Variants in OCM observed in about 807,000 individuals in gnomAD.
OCM encodes oncomodulin, also known as oncomodulin-1.
OCM carries 18 observed loss-of-function variants against 14.1 expected under a neutral mutation model. That is an observed-to-expected ratio of 1.28 (90% confidence interval 0.88 to 1.89). The LOEUF (loss-of-function observed/expected upper bound fraction) is 1.89, where lower values mean the gene tolerates loss of function less well. OCM is among the 40% of genes most tolerant of loss of function. OCM has a pLI of 0.00. For synonymous variants in OCM, 48 were observed against 51.0 expected (o/e 0.94, Z 0.25); for missense variants, 140 against 137.6 (o/e 1.02, Z -0.09).
chr7:5,878,498 G>A (rs1029184950), upstream of OCM, among the ~76,000 whole-genome samples: 2 of 151,702 alleles, frequency 1.3e-5, no homozygotes, highest in Non-Finnish European at 2.9e-5. Flanking sequence ...TGTAATCCCA[G>A]CACTTTGGGA....
At position 5,886,277 on chromosome 7, in the gene OCM, T is replaced by C. The variant is rs912761432; in HGVS notation, c.*188T>C. 1.3e-5 allele frequency: 9 copies of C among 716,212 alleles called. No individual in the cohort carries two copies. The highest frequency in any genetic ancestry group is 1.8e-5 in the Non-Finnish European group (8 of 436,576). The allele number at this position is 716,212 out of a possible 1,614,324, so 44.4% of individuals were successfully genotyped here. A position where few individuals can be genotyped will look rare whatever the true frequency, so the allele number is the denominator to read the frequency against. Reference sequence around the variant, plus strand: ...CACTCCTGACTTTCTTGGTGGTGGGTATATGCCCTGACAACTTCTGTAAGC... The same window carrying C: ...CACTCCTGACTTTCTTGGTGGTGGGCATATGCCCTGACAACTTCTGTAAGC... On this transcript the variant is annotated 3_prime_UTR_variant, in exon 4 of 4. Transcript: ENST00000242104.
the OCM span, among the ~76,000 whole-genome samples, chr7:5,872,601 T>G: frequency 6.6e-6 from 1 of 152,112 alleles, no homozygotes; most frequent in Non-Finnish European, 1.5e-5. Flanking sequence ...TGACAAGGAA[T>G]GTGCCAATGA....
chr7:5,868,743 C>T, the OCM span, among the ~76,000 whole-genome samples: 30 of 152,200 alleles, frequency 2.0e-4, no homozygotes, highest in African/African-American at 6.5e-4. Context: ...CTCTGGGCTA[C>T]CCAGAAAGTC....
chr7:5,871,874 C>G, the OCM span: 1 of 152,178 alleles, frequency 6.6e-6, no homozygotes, highest in African/African-American at 2.4e-5. Context: ...CTGGTTCACC[C>G]TCCTTAGGCA....
At chr7:5,874,160 G>C in the OCM span, among the ~76,000 whole-genome samples, 1 of 144,620 alleles carries the variant, frequency 6.9e-6, no homozygotes, top group African/African-American at 2.6e-5. Context: ...GGAGGTGGAG[G>C]TTGCAGTGAG....
At chr7:5,867,163 C>A in the OCM span, among the ~76,000 whole-genome samples, 5 of 152,078 alleles carry the variant, frequency 3.3e-5, no homozygotes, top group Non-Finnish European at 7.4e-5. Context: ...AAAAAAATTC[C>A]TCCTTGCCTT....
the OCM span, among the ~76,000 whole-genome samples, chr7:5,872,584 TAC>T: frequency 6.6e-6 from 1 of 152,154 alleles, no homozygotes; most frequent in Non-Finnish European, 1.5e-5. Context: ...ATTGAATAGT[TAC>T]CCGGTGACAA....
At chr7:5,874,740 A>G in the OCM span, among the ~76,000 whole-genome samples, 1 of 151,946 alleles carries the variant, frequency 6.6e-6, no homozygotes, top group African/African-American at 2.4e-5. Flanking sequence ...TCCTGGCTTC[A>G]AGCAATTTTC....
the OCM span, among the ~76,000 whole-genome samples, chr7:5,872,800 G>A: frequency 6.6e-6 from 1 of 152,012 alleles, no homozygotes; most frequent in Non-Finnish European, 1.5e-5. Context: ...TTTATCTGCT[G>A]ACCTTCTCTC....
the OCM span, among the ~76,000 whole-genome samples, chr7:5,872,650 C>T: frequency 5.3e-5 from 8 of 152,156 alleles, no homozygotes; most frequent in East Asian, 1.3e-3. Flanking sequence ...GCAAGATGTG[C>T]TTTGTTACAC....
At chr7:5,873,260 C>T in the OCM span, among the ~76,000 whole-genome samples, 3 of 152,004 alleles carry the variant, frequency 2.0e-5, no homozygotes, top group East Asian at 1.9e-4. Flanking sequence ...CCTGTAAATC[C>T]AAGCTACTTG....
At chr7:5,885,920 C>T (rs2128607604) in intron 3 of OCM, 144 bp from the exon 4 acceptor site, 1 of 641,954 alleles carries the variant, frequency 1.6e-6, no homozygotes, top group Non-Finnish European at 2.8e-6. Flanking sequence ...GTTTTTCTTT[C>T]TTTTGTGCCC....
chr7:5,885,908 C>A (rs1382975124), intron 3 of OCM, among the ~76,000 whole-genome samples, 156 bp from the exon 4 acceptor site: 2 of 152,172 alleles, frequency 1.3e-5, no homozygotes, highest in African/African-American at 4.8e-5. Context: ...TGTGCCCGGC[C>A]AGTTTTTCTT....
At chr7:5,876,219 G>A (rs551010609), upstream of OCM, among the ~76,000 whole-genome samples, 5 of 152,262 alleles carry the variant, frequency 3.3e-5, 1 homozygote, top group South Asian at 8.3e-4. Flanking sequence ...GGCCAGGCTG[G>A]CCTCGAACTC....
At chr7:5,861,755 T>C in the OCM span, among the ~76,000 whole-genome samples, 1 of 152,114 alleles carries the variant, frequency 6.6e-6, no homozygotes, top group Admixed American at 6.6e-5. Flanking sequence ...AATTTGTTGT[T>C]GTTGTTAGAG....
At chr7:5,882,685 T>C (rs1781244318) in intron 2 of OCM, 60 bp downstream of exon 2, 4 of 1,595,590 alleles carry the variant, frequency 2.5e-6, no homozygotes, top group Non-Finnish European at 8.5e-7. Context: ...TGGGGTGCAG[T>C]GGGGGCCAGG....
chr7:5,878,875 TAAAAAAA>T (rs57901741), upstream of OCM, among the ~76,000 whole-genome samples: 10 of 102,016 alleles, frequency 9.8e-5, no homozygotes, highest in Non-Finnish European at 1.9e-4. Context: ...TGCTGAAAGT[TAAAAAAA>T]AAAAAAAAAA....
chr7:5,875,634 C>A (rs778093167), upstream of OCM, among the ~76,000 whole-genome samples: 7 of 151,780 alleles, frequency 4.6e-5, no homozygotes, highest in Non-Finnish European at 2.9e-5. Flanking sequence ...TATTTTCTAT[C>A]AGAAAAATAG....
At position 5,881,462 on chromosome 7, in the gene OCM, A is replaced by G. The variant is rs190010766; in HGVS notation, c.61+512A>G. On this transcript the variant is annotated intron_variant, in intron 1 of 3. Coordinates refer to ENST00000242104, the MANE Select transcript of OCM (RefSeq NM_001097622.2). ...CATAGGAAGACTCCATCTCTACAAC[A>G]TAACAATAAAAATAAAAACTAGCGG... Among the ~76,000 whole-genome samples the G allele has an allele frequency of 2.7e-3, 403 of 152,062 alleles. 1 individual carries two copies. The highest frequency in any genetic ancestry group is 9.5e-3 in the African/African-American group (392 of 41,478).
Sources: gnomAD v4.1 joint callset for allele counts (sites outside exome capture counted in the v4.1 genomes callset) on GRCh38, gnomAD v4.1.1 for gene constraint, MANE v1.5 for transcripts, NCBI Gene and HGNC (gene_info 2026-07-23, HGNC 2026-07-21) for gene names.